Variants in SPSB4 observed in about 807,000 individuals in gnomAD.
The protein encoded by SPSB4 is SPRY domain-containing SOCS box protein 4.
A neutral mutation model predicts 20.9 loss-of-function variants in SPSB4; 21 were observed. The ratio of observed to expected loss-of-function variants is 1.01; its 90% CI spans 0.71 to 1.45. SPSB4 has a LOEUF of 1.45. SPSB4 is among the 40% of genes most tolerant of loss of function. The pLI is 0.00. For synonymous variants in SPSB4, 207 were observed against 183.8 expected (o/e 1.13, Z -1.02); for missense variants, 399 against 399.2 (o/e 1.00, Z 0.00).
At chr3:141,111,242 G>A (rs79069214) in intron 2 of SPSB4, among the ~76,000 whole-genome samples, 6,792 of 151,616 alleles carry the variant, frequency 0.045, 230 homozygotes, top group Admixed American at 0.093. Flanking sequence ...TTCACTTGGC[G>A]TGAATATTCA....
At chr3:141,099,786 C>T (rs888670434) in intron 2 of SPSB4, among the ~76,000 whole-genome samples, 3 of 152,174 alleles carry the variant, frequency 2.0e-5, no homozygotes, top group Non-Finnish European at 2.9e-5. Flanking sequence ...AACAAGACAT[C>T]GTGGCACCAG....
intron 2 of SPSB4, among the ~76,000 whole-genome samples, chr3:141,075,680 A>G (rs1366463051): frequency 2.0e-5 from 3 of 152,008 alleles, no homozygotes; most frequent in Non-Finnish European, 4.4e-5. Context: ...AGGGCCCCCA[A>G]TCACAGCTTA....
chr3:141,133,843 G>GGAATTGCA (rs1939175869), intron 2 of SPSB4, among the ~76,000 whole-genome samples: 2 of 151,910 alleles, frequency 1.3e-5, no homozygotes, highest in African/African-American at 4.8e-5. Context: ...TATTTTGATG[G>GGAATTGCA]GAATTGCATT....
chr3:141,088,594 G>T (rs375832977), intron 2 of SPSB4, among the ~76,000 whole-genome samples: 2 of 152,172 alleles, frequency 1.3e-5, no homozygotes, highest in East Asian at 1.9e-4. Flanking sequence ...ATGTGCAGGG[G>T]AGTTAACACC....
At chr3:141,082,618 GCTATCTAT>G (rs57148827) in intron 2 of SPSB4, among the ~76,000 whole-genome samples, 5,239 of 146,360 alleles carry the variant, frequency 0.036, 304 homozygotes, top group African/African-American at 0.12. Flanking sequence ...CAACCCAGGT[GCTATCTAT>G]CTATCTATCT....
At chr3:141,076,472 A>G (rs1938111892) in intron 2 of SPSB4, among the ~76,000 whole-genome samples, 1 of 152,236 alleles carries the variant, frequency 6.6e-6, no homozygotes, top group African/African-American at 2.4e-5. Flanking sequence ...CTCTTTGTTA[A>G]ACAGTCATTG....
At chr3:141,064,800 C>G (rs1170436234) in intron 1 of SPSB4, among the ~76,000 whole-genome samples, 2 of 152,210 alleles carry the variant, frequency 1.3e-5, no homozygotes, top group Non-Finnish European at 2.9e-5. Context: ...ACCCAGGGCC[C>G]GTCCAAGTAG....
intron 2 of SPSB4, among the ~76,000 whole-genome samples, chr3:141,096,853 T>A (rs1285418715): frequency 5.3e-5 from 8 of 152,162 alleles, no homozygotes; most frequent in African/African-American, 1.4e-4. Flanking sequence ...TCTCAAACAT[T>A]TTTTAAGGCC....
intron 2 of SPSB4, among the ~76,000 whole-genome samples, chr3:141,072,076 C>T (rs559864301): frequency 4.9e-4 from 75 of 152,354 alleles, no homozygotes; most frequent in African/African-American, 1.7e-3. Context: ...TGGGCCTGGT[C>T]GCCCCTTTGC....
chr3:141,123,991 T>A (rs1939012579), intron 2 of SPSB4: 1 of 152,276 alleles, frequency 6.6e-6, no homozygotes, highest in African/African-American at 2.4e-5. Flanking sequence ...TGCTGTGTGT[T>A]ACTAATTCTG....
chr3:141,060,044 C>A (rs558015995), intron 1 of SPSB4, among the ~76,000 whole-genome samples: 1 of 152,202 alleles, frequency 6.6e-6, no homozygotes, highest in African/African-American at 2.4e-5. Context: ...CTCTGCTGTG[C>A]GCCCTGTACT....
At chr3:141,079,175 G>T (rs1341788281) in intron 2 of SPSB4, among the ~76,000 whole-genome samples, 1 of 151,888 alleles carries the variant, frequency 6.6e-6, no homozygotes, top group African/African-American at 2.4e-5. Flanking sequence ...GCAGGAGGAT[G>T]GCGTGAACCC....
rs572201865 is a variant in SPSB4, at chr3:141,056,627, G to A, written c.-154+4635G>A. 6.6e-5 allele frequency among the ~76,000 whole-genome samples: 10 copies of A among 152,378 alleles called. No homozygotes were observed. In the East Asian group the frequency reaches 7.7e-4, roughly 12 times the overall value. ...AGAAGGTTCATCTTGGGAGGTAAAT[G>A]AGGGATTGGACGCAAACCTTATCAT... On this transcript the variant is annotated intron_variant, in intron 1 of 2. Coordinates refer to ENST00000310546, the MANE Select transcript of SPSB4 (RefSeq NM_080862.3).
At chr3:141,110,096 C>T (rs1443357513) in intron 2 of SPSB4, among the ~76,000 whole-genome samples, 1 of 152,168 alleles carries the variant, frequency 6.6e-6, no homozygotes, top group Non-Finnish European at 1.5e-5. Flanking sequence ...CCCTTTGCAG[C>T]CCTGCCTTTG....
chr3:141,104,192 C>T (rs1030991798), intron 2 of SPSB4, among the ~76,000 whole-genome samples: 4 of 152,016 alleles, frequency 2.6e-5, no homozygotes, highest in Non-Finnish European at 5.9e-5. Flanking sequence ...GGGACTGGGC[C>T]GAGAGGAGGA....
At chr3:141,108,727 GGA>G (rs1938739609) in intron 2 of SPSB4, among the ~76,000 whole-genome samples, 1 of 152,250 alleles carries the variant, frequency 6.6e-6, no homozygotes, top group Admixed American at 6.5e-5. Flanking sequence ...GAGGCGTGGA[GGA>G]GAGAGAGAAT....
intron 2 of SPSB4, among the ~76,000 whole-genome samples, chr3:141,144,964 AG>A (rs1939388708): frequency 6.6e-6 from 1 of 152,074 alleles, no homozygotes; most frequent in Non-Finnish European, 1.5e-5. Context: ...ACTGGGTACA[AG>A]GGTGTTGCTG....
At chr3:141,071,221 G>A (rs1296439860) in intron 2 of SPSB4, among the ~76,000 whole-genome samples, 1 of 152,198 alleles carries the variant, frequency 6.6e-6, no homozygotes, top group Non-Finnish European at 1.5e-5. Flanking sequence ...ATCTGCTCTG[G>A]GCTGCTTTCT....
intron 2 of SPSB4, among the ~76,000 whole-genome samples, chr3:141,118,954 G>A (rs1938921575): frequency 6.6e-6 from 1 of 152,172 alleles, no homozygotes; most frequent in African/African-American, 2.4e-5. Flanking sequence ...TTTTGCTTAG[G>A]ATTGTCTTGG....
Sources: gnomAD v4.1 joint callset for allele counts (sites outside exome capture counted in the v4.1 genomes callset) on GRCh38, gnomAD v4.1.1 for gene constraint, MANE v1.5 for transcripts, NCBI Gene and HGNC (gene_info 2026-07-23, HGNC 2026-07-21) for gene names.